Variants in ZNF268 observed in about 807,000 individuals in gnomAD.
ZNF268 encodes zinc finger protein 3.
In ZNF268, 20 loss-of-function variants were observed where a neutral mutation model predicts 29.3. The ratio of observed to expected loss-of-function variants is 0.68; its 90% CI spans 0.48 to 0.99. The LOEUF is 0.99. Among genes scored for constraint, ZNF268 ranks in the 50% least tolerant of loss-of-function variants. ZNF268 has a pLI of 0.00. For missense variants in ZNF268, 1,240 were observed against 1,121.6 expected, an observed-to-expected ratio of 1.11 and a Z score of -1.51; for synonymous variants, 429 against 376.9, an observed-to-expected ratio of 1.14 and a Z score of -1.60.
At chr12:133,184,865 G>C (rs1291671681) in intron 2 of ZNF268, 2 of 315,690 alleles carry the variant, frequency 6.3e-6, no homozygotes, top group Non-Finnish European at 1.4e-5. Flanking sequence ...TGAAACCGTA[G>C]CAGTCATAAA....
intron 5 of ZNF268, among the ~76,000 whole-genome samples, chr12:133,192,726 G>C (rs143306483): frequency 0.016 from 2,472 of 151,942 alleles, 53 homozygotes; most frequent in African/African-American, 0.056. Flanking sequence ...CTGGAGTGCA[G>C]GGGTGCAATC....
intron 5 of ZNF268, among the ~76,000 whole-genome samples, chr12:133,199,703 A>G (rs1956703845): frequency 6.6e-6 from 1 of 152,100 alleles, no homozygotes; most frequent in South Asian, 2.1e-4. Context: ...GATTATTGCC[A>G]CAATTTCAGA....
In ZNF268 at chr12:133,203,291, A is replaced by G. The variant is rs770142075; in HGVS notation, c.1605A>G (p.Lys535=). Residue 535 remains lysine, a synonymous_variant, in exon 6 of 6, where the codon AAA becomes AAG. Coordinates refer to ENST00000536435, the MANE Select transcript of ZNF268 (RefSeq NM_003415.3). The stretch of plus-strand genomic sequence containing the variant: ...TCCATGAATGCAACAATTGTGGGAA[A>G]GCCTTCAGTTTTAAATCACAGCTCA... ...EKLHECNNCG[K]AFSFKSQLII... 5.4e-5 allele frequency: 83 copies of G among 1,540,144 alleles called. No homozygotes were observed. The East Asian group carries it at 1.8e-3, about 33-fold the overall frequency.
At position 133,214,107 on chromosome 12, in the gene ZNF268, T is replaced by C. The variant is rs900483626; in HGVS notation, c.*9577T>C. On this transcript the variant is annotated 3_prime_UTR_variant, in exon 6 of 6. Coordinates refer to ENST00000536435, the MANE Select transcript of ZNF268 (RefSeq NM_003415.3). ...ACCCAACAACAAAAAGACAACCCAA[T>C]ATCAAAATGGGCAGAGGACTTGAAG... The C allele has an allele frequency of 2.0e-5, 3 of 151,920 alleles. No individual in the cohort carries two copies. Among genetic ancestry groups the C allele is most frequent in the African/African-American group, 7.3e-5 (3 of 41,322 alleles). 9.4% of individuals were successfully genotyped at this position (151,920 alleles called of 1,614,324 possible).
chr12:133,188,140 G>C (rs1956371338), intron 3 of ZNF268, 68 bp downstream of exon 3: 1 of 1,384,906 alleles, frequency 7.2e-7, no homozygotes, highest in African/African-American at 1.5e-5. Flanking sequence ...TGCAGAGAGG[G>C]ATGGAGATCC....
chr12:133,204,441 C>G lies in ZNF268; in HGVS notation c.2755C>G (p.Pro919Ala), dbSNP rs554281732. ...TCAGAGAACACATACAGGAGAGAAG[C>G]CTTGTAAGTGCACTGAATGTGGGAA... ...AHQRTHTGEK[P>A]CKCTECGKAF... is the part of the protein sequence containing the mutation. Residue 919 changes from proline to alanine, a missense_variant, in exon 6 of 6, where the codon CCT becomes GCT. By Grantham distance (27) the Pro-to-Ala change is conservative. Transcript: ENST00000536435. 335 of 1,562,770 alleles carry G rather than the reference C, an allele frequency of 2.1e-4. 7 individuals are homozygous for G. In the South Asian group the frequency reaches 3.7e-3, roughly 17 times the overall value.
In ZNF268 at chr12:133,208,677, A is replaced by T. The variant is rs1410152324; in HGVS notation, c.*4147A>T. The T allele has an allele frequency of 6.6e-6, 1 of 152,224 alleles. No individual in the cohort carries two copies. Among genetic ancestry groups the T allele is most frequent in the Non-Finnish European group, 1.5e-5 (1 of 68,052 alleles). 9.4% of individuals were successfully genotyped at this position (152,224 alleles called of 1,614,324 possible). A position where few individuals can be genotyped will look rare whatever the true frequency, so the allele number is the denominator to read the frequency against. ...CTGTAAAAAACAAAGCAAAATTACA[A>T]GAATGCGCATCACTTTTATGAAATG... On this transcript the variant is annotated 3_prime_UTR_variant, in exon 6 of 6. Coordinates refer to ENST00000536435, the MANE Select transcript of ZNF268 (RefSeq NM_003415.3).
At position 133,208,324 on chromosome 12, in the gene ZNF268, C is replaced by A. The variant is rs566116929; in HGVS notation, c.*3794C>A. 3 of 152,290 alleles carry A rather than the reference C, an allele frequency of 2.0e-5. No individual in the cohort carries two copies. In the South Asian group the frequency reaches 6.2e-4, roughly 32 times the overall value. 9.4% of individuals were successfully genotyped at this position (152,290 alleles called of 1,614,324 possible). ...CAGTGTGGCTAACATGGTGAAACCC[C>A]GTCTCTACTAAAAATACAAAAGTCA... On this transcript the variant is annotated 3_prime_UTR_variant, in exon 6 of 6. Coordinates refer to ENST00000536435, the MANE Select transcript of ZNF268 (RefSeq NM_003415.3).
intron 2 of ZNF268, among the ~76,000 whole-genome samples, chr12:133,186,937 CT>C (rs1956334331): frequency 6.6e-6 from 1 of 152,150 alleles, no homozygotes; most frequent in Non-Finnish European, 1.5e-5. Flanking sequence ...ACGTACTATT[CT>C]TCCCCTTGTC....
rs1956940425 is a variant in ZNF268 at position 133,208,704 on chromosome 12, G to A, written c.*4174G>A. The A allele has an allele frequency of 6.6e-6, 1 of 152,196 alleles. No homozygotes were observed. The highest frequency in any genetic ancestry group is 1.9e-4 in the East Asian group (1 of 5,200). 9.4% of individuals were successfully genotyped at this position (152,196 alleles called of 1,614,324 possible). On this transcript the variant is annotated 3_prime_UTR_variant, in exon 6 of 6. Transcript: ENST00000536435. ...AATGCGCATCACTTTTATGAAATGA[G>A]TAACATCTAGCCAAGGTGTGAAAAC...
At chr12:133,197,683 G>A (rs113864729) in intron 5 of ZNF268, among the ~76,000 whole-genome samples, 10 of 152,072 alleles carry the variant, frequency 6.6e-5, no homozygotes, top group African/African-American at 2.4e-4. Context: ...GTTTCTCCAC[G>A]TCCTCTCCAG....
intron 2 of ZNF268, among the ~76,000 whole-genome samples, chr12:133,187,284 T>A (rs1956347206): frequency 6.6e-6 from 1 of 152,058 alleles, no homozygotes; most frequent in Admixed American, 6.5e-5. Flanking sequence ...TTTTCCTAAT[T>A]TATTTATTTA....
intron 5 of ZNF268, among the ~76,000 whole-genome samples, chr12:133,197,569 G>C (rs930141627): frequency 0.012 from 1,802 of 152,058 alleles, 32 homozygotes; most frequent in African/African-American, 0.042. Context: ...GGGATGGTTG[G>C]GTCAAATGGT....
intron 5 of ZNF268, among the ~76,000 whole-genome samples, chr12:133,198,950 T>C (rs1028300436): frequency 6.8e-5 from 10 of 147,432 alleles, no homozygotes; most frequent in Admixed American, 2.0e-4. Context: ...GACAGTGGGG[T>C]TTTCTAGATA....
In ZNF268 at chr12:133,202,515, G is replaced by A. The variant is rs1332635274; in HGVS notation, c.829G>A (p.Gly277Arg). Residue 277 changes from glycine (G) to arginine (R), a missense_variant, in exon 6 of 6, where the codon GGA becomes AGA. By Grantham distance (125) the Gly-to-Arg change is moderately radical. Coordinates refer to ENST00000536435, the MANE Select transcript of ZNF268 (RefSeq NM_003415.3). ...QQMYMGEKPF[G>R]CSCCEKAFSS... is the part of the protein sequence containing the mutation. ...AATGTATATGGGCGAAAAACCCTTT[G>A]GATGCAGCTGTTGTGAGAAAGCCTT... is the stretch of plus-strand genomic sequence containing the variant. 6.2e-7 allele frequency: 1 copy of A among 1,612,248 alleles called. No homozygotes were observed. Among genetic ancestry groups the A allele is most frequent in the South Asian group, 1.1e-5 (1 of 90,832 alleles).
rs1399286933 is a variant in ZNF268 at position 133,205,698 on chromosome 12, A to G, written c.*1168A>G. On this transcript the variant is annotated 3_prime_UTR_variant, in exon 6 of 6. Coordinates refer to ENST00000536435, the MANE Select transcript of ZNF268 (RefSeq NM_003415.3). ...AGTCTTGGCAGCAACCTCTTTAGTA[A>G]TCAATATAAGGCACACTTCATGTGT... The G allele has an allele frequency of 6.6e-6, 1 of 152,178 alleles. No individual in the cohort carries two copies. Among genetic ancestry groups the G allele is most frequent in the East Asian group, 1.9e-4 (1 of 5,200 alleles). 9.4% of individuals were successfully genotyped at this position (152,178 alleles called of 1,614,324 possible). A position where few individuals can be genotyped will look rare whatever the true frequency, so the allele number is the denominator to read the frequency against.
Position 133,204,381 on chromosome 12 carries a change from A to G in ZNF268, c.2695A>G (p.Lys899Glu). Residue 899 changes from lysine to glutamate, a missense_variant, in exon 6 of 6, where the codon AAA becomes GAA. Transcript: ENST00000536435. The part of the protein sequence containing the change: ...EKPYGCNECG[K>E]TFSQKSILSA... ...ACCCTATGGGTGCAATGAATGTGGG[A>G]AAACCTTCTCTCAAAAATCAATTCT... 6.4e-7 allele frequency: 1 copy of G among 1,572,454 alleles called. No homozygotes were observed.
rs927399816 is a variant in ZNF268, at chr12:133,202,711, G to C, written c.1025G>C (p.Ser342Thr). Reference sequence around the variant, plus strand: ...TGCAGTGAATGCAGGAAAACATTCAGTTTCCATTCACAGCTTGTTATACAT... The same window carrying C: ...TGCAGTGAATGCAGGAAAACATTCACTTTCCATTCACAGCTTGTTATACAT... Reference protein sequence around the residue: ...HECSECRKTFSFHSQLVIHQR... With the variant: ...HECSECRKTFTFHSQLVIHQR... Residue 342 changes from serine to threonine, a missense_variant, in exon 6 of 6, where the codon AGT becomes ACT. Physicochemically the swap from Ser to Thr is moderately conservative, Grantham distance 58. Transcript: ENST00000536435. The C allele has an allele frequency of 4.3e-6, 7 of 1,611,468 alleles. No individual in the cohort carries two copies. The highest frequency in any genetic ancestry group is 1.1e-5 in the South Asian group (1 of 90,808).
Position 133,204,058 on chromosome 12 carries a change from G to T in ZNF268, c.2372G>T (p.Ser791Ile), listed in dbSNP as rs1046593872. ...AGTGAATGTGGGAAAGCTTTTAGCAGCAAGTCATACCTAATTATACACATG... is the reference window on the plus strand; with the variant it reads ...AGTGAATGTGGGAAAGCTTTTAGCATCAAGTCATACCTAATTATACACATG... ...GCSECGKAFS[S>I]KSYLIIHMRT... Residue 791 changes from serine (S) to isoleucine (I), a missense_variant, in exon 6 of 6, where the codon AGC becomes ATC. Physicochemically the swap from Ser to Ile is moderately radical, Grantham distance 142. Coordinates refer to ENST00000536435, the MANE Select transcript of ZNF268 (RefSeq NM_003415.3). 4 of 1,562,202 alleles carry T rather than the reference G, an allele frequency of 2.6e-6. No homozygotes were observed. In the African/African-American group the frequency reaches 4.1e-5, roughly 16 times the overall value.
Sources: allele counts gnomAD v4.1 joint callset (sites outside exome capture counted in the v4.1 genomes callset), GRCh38; gene constraint gnomAD v4.1.1; transcripts MANE v1.5; gene names NCBI Gene and HGNC (gene_info 2026-07-23, HGNC 2026-07-21).